The following SLC24A4 variants were observed in gnomAD, a reference collection of about 807,000 sequenced individuals.
SLC24A4 encodes the protein sodium/potassium/calcium exchanger 4.
In SLC24A4, 53 loss-of-function variants were observed where a neutral mutation model predicts 79.0. That is an observed-to-expected ratio of 0.67 (90% CI 0.54 to 0.84). The LOEUF (loss-of-function observed/expected upper bound fraction) is 0.84, where lower values mean the gene tolerates loss of function less well. Among genes scored for constraint, SLC24A4 ranks in the 40% least tolerant of loss-of-function variants. The probability of loss-of-function intolerance (pLI) is 0.00; values close to 1 mark genes in which losing one functional copy is unlikely to be tolerated. For synonymous variants in SLC24A4, 323 were observed against 323.8 expected, an observed-to-expected ratio of 1.00 and a Z score of 0.03; for missense variants, 731 against 822.0, an observed-to-expected ratio of 0.89 and a Z score of 1.35.
At chr14:92,412,144 C>T (rs906048526) in intron 2 of SLC24A4, among the ~76,000 whole-genome samples, 8 of 152,260 alleles carry the variant, frequency 5.3e-5, no homozygotes, top group Admixed American at 4.6e-4. Context: ...TGGGGTTTGG[C>T]AGGAAGAAAG....
chr14:92,486,874 A>G, intron 14 of SLC24A4, 94 bp downstream of exon 14: 2 of 813,630 alleles, frequency 2.5e-6, no homozygotes, highest in East Asian at 5.6e-5. Flanking sequence ...TGTGGCTCTT[A>G]TGACTGGCAG....
At chr14:92,418,916 G>T (rs1347301067) in intron 2 of SLC24A4, among the ~76,000 whole-genome samples, 1 of 152,064 alleles carries the variant, frequency 6.6e-6, no homozygotes, top group Non-Finnish European at 1.5e-5. Context: ...TGGCCAGACT[G>T]GTCTCACACT....
rs960200434 is a variant in SLC24A4, at chr14:92,325,083, T to C, written c.131-785T>C. The stretch of plus-strand genomic sequence containing the variant: ...GGGCAAGTCAGTGTTTGGATTTTTT[T>C]CCCCCCTCAATTACACACCAGAAAT... On this transcript the variant is annotated intron_variant, in intron 1 of 16. Coordinates refer to ENST00000532405, the MANE Select transcript of SLC24A4 (RefSeq NM_153646.4). Among the ~76,000 whole-genome samples the C allele has an allele frequency of 3.9e-5, 6 of 152,210 alleles. No homozygotes were observed. In the East Asian group the frequency reaches 5.8e-4, roughly 15 times the overall value.
At chr14:92,454,227 A>G (rs547782865) in intron 11 of SLC24A4, among the ~76,000 whole-genome samples, 158 bp downstream of exon 11, 3 of 152,242 alleles carry the variant, frequency 2.0e-5, no homozygotes, top group Non-Finnish European at 4.4e-5. Flanking sequence ...GCAGCAAATT[A>G]TCCTTTGAAG....
chr14:92,379,241 A>G (rs1888686904), intron 2 of SLC24A4, among the ~76,000 whole-genome samples: 1 of 152,112 alleles, frequency 6.6e-6, no homozygotes, highest in Admixed American at 6.5e-5. Context: ...TGAGTCTTGG[A>G]TCTTCTGTTT....
At chr14:92,361,674 G>A (rs933170189) in intron 2 of SLC24A4, among the ~76,000 whole-genome samples, 1 of 152,182 alleles carries the variant, frequency 6.6e-6, no homozygotes, top group African/African-American at 2.4e-5. Context: ...TGTTTGGTGG[G>A]ACAAACAAAG....
At position 92,422,583 on chromosome 14, in the gene SLC24A4, G is replaced by A. The variant is rs1891343530; in HGVS notation, c.242-11329G>A. On this transcript the variant is annotated intron_variant, in intron 2 of 16. Transcript: ENST00000532405. ...CCTGGGCTCATTGTGACCTTGAAATGTAGAAAGTACTTGACATGTAGTAAG... is the reference window on the plus strand; with the variant it reads ...CCTGGGCTCATTGTGACCTTGAAATATAGAAAGTACTTGACATGTAGTAAG... Among the ~76,000 whole-genome samples the A allele has an allele frequency of 2.0e-5, 3 of 152,150 alleles. 1 individual carries two copies. In the South Asian group the frequency reaches 6.2e-4, roughly 32 times the overall value.
At chr14:92,472,732 G>A (rs4900126) in intron 12 of SLC24A4, among the ~76,000 whole-genome samples, 68,091 of 152,060 alleles carry the variant, frequency 0.45, 16,615 homozygotes, top group Admixed American at 0.54. Context: ...ATTGCGAATT[G>A]TACTGCCATA....
chr14:92,400,141 G>GA (rs1176119460), intron 2 of SLC24A4, among the ~76,000 whole-genome samples: 4 of 151,990 alleles, frequency 2.6e-5, no homozygotes, highest in Non-Finnish European at 5.9e-5. Context: ...TGATAAACTG[G>GA]AAAAAATCAG....
intron 12 of SLC24A4, among the ~76,000 whole-genome samples, chr14:92,469,535 A>G (rs936467582): frequency 2.0e-5 from 3 of 151,884 alleles, no homozygotes; most frequent in African/African-American, 7.3e-5. Context: ...ACATAGAGTC[A>G]CCATATGACC....
At chr14:92,412,887 C>T (rs972252130) in intron 2 of SLC24A4, among the ~76,000 whole-genome samples, 1 of 152,132 alleles carries the variant, frequency 6.6e-6, no homozygotes, top group Non-Finnish European at 1.5e-5. Context: ...ATGGTTTCTA[C>T]GTTTTTCAAT....
chr14:92,429,196 A>G (rs1378615808), intron 2 of SLC24A4, among the ~76,000 whole-genome samples: 1 of 152,144 alleles, frequency 6.6e-6, no homozygotes, highest in African/African-American at 2.4e-5. Context: ...GGGCAGCTTA[A>G]ACAACCAGGA....
In SLC24A4 at chr14:92,387,181, A is replaced by ATTTT. The variant is rs10660359; in HGVS notation, c.242-46721_242-46718dup. 2.3e-3 allele frequency among the ~76,000 whole-genome samples: 325 copies of ATTTT among 140,402 alleles called. 3 individuals carry two copies. Among genetic ancestry groups the ATTTT allele is most frequent in the African/African-American group, 8.2e-3 (298 of 36,394 alleles). 92.1% of individuals were successfully genotyped at this position (140,402 alleles called of 152,430 possible). On this transcript the variant is annotated intron_variant, in intron 2 of 16. Transcript: ENST00000532405. ...GGGTGGCCTGACCCTGGAGAGAAGT[A>ATTTT]TTTTTTTTTTTTTGAGATGGAGTCT...
In SLC24A4 at chr14:92,474,752, T is replaced by C. The variant is rs117304920; in HGVS notation, c.1256-7928T>C. 8.9e-4 allele frequency among the ~76,000 whole-genome samples: 58 copies of C among 65,074 alleles called. 1 individual carries two copies. Among genetic ancestry groups the C allele is most frequent in the Middle Eastern group, 0.016 (2 of 128 alleles). 42.7% of individuals were successfully genotyped at this position (65,074 alleles called of 152,430 possible). A position where few individuals can be genotyped will look rare whatever the true frequency, so the allele number is the denominator to read the frequency against. On this transcript the variant is annotated intron_variant, in intron 12 of 16. Coordinates refer to ENST00000532405, the MANE Select transcript of SLC24A4 (RefSeq NM_153646.4). ...ACGTATATATACGTATATATACGTG[T>C]GTGTATATACGTATATATGTGTGTA...
Position 92,439,364 on chromosome 14 carries a change from A to G in SLC24A4, c.348A>G (p.Ile116Met). Reference protein sequence around the residue: ...GALYMFYALAIVCDDFFVPSL... With the variant: ...GALYMFYALAMVCDDFFVPSL... The stretch of plus-strand genomic sequence containing the variant: ...TGTATATGTTCTATGCCTTGGCCAT[A>G]GTGTGCGATGACTTCTTTGTTCCGT... Residue 116 changes from isoleucine to methionine, a missense_variant, in exon 4 of 17, where the codon ATA becomes ATG. Coordinates refer to ENST00000532405, the MANE Select transcript of SLC24A4 (RefSeq NM_153646.4). 2 of 1,613,094 alleles carry G rather than the reference A, an allele frequency of 1.2e-6. No individual in the cohort carries two copies. Among genetic ancestry groups the G allele is most frequent in the South Asian group, 1.1e-5 (1 of 91,072 alleles).
intron 12 of SLC24A4, among the ~76,000 whole-genome samples, chr14:92,472,597 G>A (rs1354614172): frequency 4.6e-5 from 7 of 152,072 alleles, no homozygotes; most frequent in Non-Finnish European, 8.8e-5. Context: ...TTTTATAGCT[G>A]AGTAGTATTC....
intron 2 of SLC24A4, among the ~76,000 whole-genome samples, chr14:92,433,492 T>C (rs1193010808): frequency 6.6e-6 from 1 of 152,208 alleles, no homozygotes; most frequent in African/African-American, 2.4e-5. Flanking sequence ...TCATATGGTC[T>C]ATGCTTAATC....
At position 92,453,894 on chromosome 14, in the gene SLC24A4, C is replaced by T. The variant is rs780379048; in HGVS notation, c.881-6C>T. Reference sequence around the variant, plus strand: ...TCAGCACTAATCACGGTGTTGCGCTCAACAGTGAAGGAGAAGCCACAGTAT... The same window carrying T: ...TCAGCACTAATCACGGTGTTGCGCTTAACAGTGAAGGAGAAGCCACAGTAT... On this transcript the variant is annotated splice_polypyrimidine_tract_variant and splice_region_variant and intron_variant, in intron 10 of 16. Transcript: ENST00000532405. 2.5e-6 allele frequency: 4 copies of T among 1,607,400 alleles called. No individual in the cohort carries two copies. Among genetic ancestry groups the T allele is most frequent in the African/African-American group, 2.7e-5 (2 of 74,508 alleles).
At chr14:92,451,008 GT>G (rs1306173110) in intron 10 of SLC24A4, 2 of 152,236 alleles carry the variant, frequency 1.3e-5, no homozygotes, top group Non-Finnish European at 2.9e-5. Context: ...TTCCTTGCAA[GT>G]TTATTTTCTC....
Sources: gnomAD v4.1 joint callset for allele counts (sites outside exome capture counted in the v4.1 genomes callset) on GRCh38, gnomAD v4.1.1 for gene constraint, MANE v1.5 for transcripts, NCBI Gene and HGNC (gene_info 2026-07-23, HGNC 2026-07-21) for gene names.